Variants in HCN1 observed in about 807,000 individuals in gnomAD.
HCN1 encodes the protein hyperpolarization activated cyclic nucleotide gated potassium channel 1, also known as potassium/sodium hyperpolarization-activated cyclic nucleotide-gated channel 1.
A neutral mutation model predicts 78.9 loss-of-function variants in HCN1; 13 were observed. The ratio of observed to expected loss-of-function variants is 0.16; its 90% CI spans 0.11 to 0.26. The LOEUF is 0.26. Ranked by LOEUF, HCN1 falls within the 10% of genes least tolerant of loss-of-function variation. The probability of loss-of-function intolerance (pLI) is 1.00; values close to 1 mark genes in which losing one functional copy is unlikely to be tolerated. For synonymous variants in HCN1, 552 were observed against 455.5 expected (o/e 1.21, Z -2.70); for missense variants, 810 against 1,154.3 (o/e 0.70, Z 4.32).
At chr5:45,602,550 G>A (rs146816062) in intron 2 of HCN1, among the ~76,000 whole-genome samples, 1 of 152,196 alleles carries the variant, frequency 6.6e-6, no homozygotes, top group Non-Finnish European at 1.5e-5. Context: ...TTTTCTTGTA[G>A]CCTAGTAAAC....
chr5:45,596,481 G>A (rs904146777), intron 2 of HCN1, among the ~76,000 whole-genome samples: 3 of 152,274 alleles, frequency 2.0e-5, no homozygotes, highest in East Asian at 3.9e-4. Flanking sequence ...TGATCAAATA[G>A]GAATGTCAAT....
chr5:45,538,033 T>TA (rs5867703), intron 2 of HCN1, among the ~76,000 whole-genome samples: 9,428 of 147,010 alleles, frequency 0.064, 352 homozygotes, highest in East Asian at 0.15. Flanking sequence ...CAATAACAGT[T>TA]AAAAAAAAAA....
chr5:45,660,883 T>C (rs1265669226), intron 1 of HCN1, among the ~76,000 whole-genome samples: 1 of 112,642 alleles, frequency 8.9e-6, no homozygotes. Context: ...CTGTCAACAT[T>C]AGACAGATCA....
intron 6 of HCN1, among the ~76,000 whole-genome samples, chr5:45,301,212 A>G (rs979876889): frequency 1.3e-5 from 2 of 151,530 alleles, no homozygotes; most frequent in Admixed American, 1.3e-4. Flanking sequence ...AAAGGATGAA[A>G]TCCTTCATTA....
rs968599430 is a variant in HCN1, at chr5:45,349,060, T to A, written c.1377+4040A>T. On this transcript the variant is annotated intron_variant, in intron 5 of 7. Coordinates refer to ENST00000303230, the MANE Select transcript of HCN1 (RefSeq NM_021072.4). The stretch of plus-strand genomic sequence containing the variant: ...TACAGAACTCTCCACCCCAAATCAA[T>A]AGAATATACATTTTTTTCAGCACCA... 2.0e-4 allele frequency among the ~76,000 whole-genome samples: 30 copies of A among 152,120 alleles called. 1 individual carries two copies. The Middle Eastern group carries it at 0.027, about 138-fold the overall frequency.
rs1739997928 is a variant in HCN1 at position 45,695,828 on chromosome 5, C to T, written c.266G>A (p.Arg89Gln). 1 of 1,605,356 alleles carries T rather than the reference C, an allele frequency of 6.2e-7. No individual in the cohort carries two copies. The highest frequency in any genetic ancestry group is 1.3e-5 in the African/African-American group (1 of 74,416). ...CTGCCTCTGCATGAAGCCGTACTGC[C>T]GCCGGGGCCCCTCGGCGTCTTCGAA... ...GGFEDAEGPR[R>Q]QYGFMQRQFT... Residue 89 changes from arginine (R) to glutamine (Q), a missense_variant, in exon 1 of 8, where the codon CGG becomes CAG. This residue lies in a region of HCN1 where 170 missense variants were observed against 166.8 expected (regional missense o/e 1.02). Coordinates refer to ENST00000303230, the MANE Select transcript of HCN1 (RefSeq NM_021072.4).
intron 2 of HCN1, among the ~76,000 whole-genome samples, chr5:45,597,727 G>A (rs1456947357): frequency 6.6e-6 from 1 of 152,140 alleles, no homozygotes; most frequent in Non-Finnish European, 1.5e-5. Flanking sequence ...GAAGTCTCAG[G>A]ACACAAAATC....
intron 3 of HCN1, among the ~76,000 whole-genome samples, chr5:45,438,212 A>G (rs964002964): frequency 6.6e-6 from 1 of 152,184 alleles, no homozygotes; most frequent in African/African-American, 2.4e-5. Context: ...AACACATCCA[A>G]TTTTGATCAT....
chr5:45,405,773 T>G (rs1025528344), intron 3 of HCN1, among the ~76,000 whole-genome samples: 2 of 152,172 alleles, frequency 1.3e-5, no homozygotes, highest in Non-Finnish European at 2.9e-5. Flanking sequence ...AACAACCTTT[T>G]GCCTTATAAG....
chr5:45,399,710 T>TA (rs1341365673), intron 3 of HCN1, among the ~76,000 whole-genome samples: 1 of 152,130 alleles, frequency 6.6e-6, no homozygotes, highest in Non-Finnish European at 1.5e-5. Flanking sequence ...ACATAGTTGC[T>TA]AAAAAATAAA....
At chr5:45,310,892 C>T (rs1439653374) in intron 5 of HCN1, among the ~76,000 whole-genome samples, 1 of 152,062 alleles carries the variant, frequency 6.6e-6, no homozygotes, top group Non-Finnish European at 1.5e-5. Context: ...AGGCTATCAT[C>T]CCTAGCAAAT....
chr5:45,623,255 G>C (rs1220491543), intron 2 of HCN1, among the ~76,000 whole-genome samples: 1 of 152,090 alleles, frequency 6.6e-6, no homozygotes, highest in Non-Finnish European at 1.5e-5. Flanking sequence ...TGAACAAGCA[G>C]GCACTCAGTA....
chr5:45,585,943 G>C (rs905538893), intron 2 of HCN1, among the ~76,000 whole-genome samples: 1 of 152,172 alleles, frequency 6.6e-6, no homozygotes, highest in Admixed American at 6.5e-5. Flanking sequence ...CTACTGGTGG[G>C]TGCCTCCCAG....
chr5:45,553,993 C>T (rs1743423850), intron 2 of HCN1, among the ~76,000 whole-genome samples: 1 of 151,846 alleles, frequency 6.6e-6, no homozygotes, highest in African/African-American at 2.4e-5. Flanking sequence ...GTGTTTCTTA[C>T]ACATTAAATT....
intron 2 of HCN1, among the ~76,000 whole-genome samples, chr5:45,487,868 C>T (rs980372667): frequency 1.3e-5 from 2 of 151,798 alleles, no homozygotes; most frequent in Admixed American, 6.6e-5. Flanking sequence ...ATTTGCTGAG[C>T]GACAGAGAAG....
chr5:45,434,651 G>A (rs1740527161), intron 3 of HCN1, among the ~76,000 whole-genome samples: 2 of 152,254 alleles, frequency 1.3e-5, no homozygotes, highest in East Asian at 1.9e-4. Context: ...TGGGTGATTT[G>A]AAAATTGCTA....
intron 3 of HCN1, among the ~76,000 whole-genome samples, chr5:45,427,080 A>G (rs943171041): frequency 2.0e-5 from 3 of 152,036 alleles, no homozygotes; most frequent in Non-Finnish European, 4.4e-5. Flanking sequence ...CCGTGCTTCA[A>G]ATGAGATAAG....
chr5:45,352,488 G>A (rs551846732), intron 5 of HCN1, among the ~76,000 whole-genome samples: 30 of 151,776 alleles, frequency 2.0e-4, no homozygotes, highest in Middle Eastern at 3.4e-3. Context: ...AGTAACGTGC[G>A]CATTGTGCAC....
intron 3 of HCN1, among the ~76,000 whole-genome samples, chr5:45,412,881 G>T (rs1430874924): frequency 6.6e-6 from 1 of 151,992 alleles, no homozygotes; most frequent in Admixed American, 6.6e-5. Context: ...GCAGAGGTTG[G>T]ACCCTCCAAT....
Sources: allele counts gnomAD v4.1 joint callset (sites outside exome capture counted in the v4.1 genomes callset), GRCh38; gene constraint gnomAD v4.1.1; regional missense constraint gnomAD v4.1.1; transcripts MANE v1.5; gene names NCBI Gene and HGNC (gene_info 2026-07-23, HGNC 2026-07-21).